Variants in GRK3 observed in about 807,000 individuals in gnomAD.
GRK3 encodes G protein-coupled receptor kinase 3.
Under a neutral mutation model 95.7 loss-of-function variants are expected in GRK3, and 54 were observed. The ratio of observed to expected loss-of-function variants is 0.56; its 90% confidence interval spans 0.45 to 0.71. GRK3 has a LOEUF of 0.71. Ranked by LOEUF, GRK3 falls within the 30% of genes least tolerant of loss-of-function variation. GRK3 has a pLI of 0.00. For missense variants in GRK3, 649 were observed against 851.2 expected (o/e 0.76, Z 2.96); for synonymous variants, 281 against 290.8 (o/e 0.97, Z 0.34).
intron 1 of GRK3, chr22:25,581,359 G>A (rs1016940633): frequency 6.6e-5 from 10 of 152,218 alleles, no homozygotes; most frequent in African/African-American, 2.2e-4. Context: ...CCAATGTCAT[G>A]TGTAATAGCA....
chr22:25,680,521 A>G (rs2146424702), intron 9 of GRK3, among the ~76,000 whole-genome samples: 1 of 152,340 alleles, frequency 6.6e-6, no homozygotes, highest in South Asian at 2.1e-4. Context: ...TTAATGTTGG[A>G]AAAACATAAG....
At chr22:25,636,044 T>C (rs1249520677) in intron 2 of GRK3, among the ~76,000 whole-genome samples, 1 of 152,198 alleles carries the variant, frequency 6.6e-6, no homozygotes, top group African/African-American at 2.4e-5. Flanking sequence ...CAGTTTTGGC[T>C]ACTAGGAGTG....
At chr22:25,658,977 A>G (rs1303062225) in intron 3 of GRK3, among the ~76,000 whole-genome samples, 1 of 152,142 alleles carries the variant, frequency 6.6e-6, no homozygotes, top group Admixed American at 6.6e-5. Context: ...TCAAATAGAT[A>G]GTTAGATATT....
Position 25,722,822 on chromosome 22 carries a change from T to TTC in GRK3, c.*374_*375dup. 6.0e-6 allele frequency: 1 copy of TTC among 166,756 alleles called. No homozygotes were observed. The highest frequency in any genetic ancestry group is 1.3e-5 in the Non-Finnish European group (1 of 77,286). The allele number at this position is 166,756 out of a possible 1,614,324, so 10.3% of individuals were successfully genotyped here. ...AGATTGCCCTAAGCATTGCCACATA[T>TTC]TCTGTCTAGTCACTGCTGATTTTCT... On this transcript the variant is annotated 3_prime_UTR_variant, in exon 21 of 21. Coordinates refer to ENST00000324198, the MANE Select transcript of GRK3 (RefSeq NM_005160.4).
chr22:25,671,905 A>G (rs1421678286), intron 6 of GRK3, among the ~76,000 whole-genome samples: 2 of 152,226 alleles, frequency 1.3e-5, no homozygotes, highest in African/African-American at 4.8e-5. Flanking sequence ...TCAGATTTCA[A>G]AGACTTAATA....
At chr22:25,612,109 A>G (rs950248581) in intron 2 of GRK3, among the ~76,000 whole-genome samples, 7 of 152,218 alleles carry the variant, frequency 4.6e-5, no homozygotes, top group Non-Finnish European at 7.3e-5. Context: ...CTAGGATTAC[A>G]GGTGTGAGCC....
At position 25,641,912 on chromosome 22, in the gene GRK3, CAA is replaced by C. The variant is rs1218061358; in HGVS notation, c.191-2677_191-2676del. 2.0e-5 allele frequency among the ~76,000 whole-genome samples: 3 copies of C among 152,218 alleles called. No homozygotes were observed. In the East Asian group the frequency reaches 5.8e-4, roughly 29 times the overall value. ...GTTTCAGTTTGATTCCAAGTGTAGT[CAA>C]AAGACAGTGGTCCATGTGTGGTATT... On this transcript the variant is annotated intron_variant, in intron 2 of 20. Transcript: ENST00000324198.
intron 1 of GRK3, among the ~76,000 whole-genome samples, chr22:25,584,495 A>G (rs532726050): frequency 2.4e-4 from 36 of 152,360 alleles, no homozygotes; most frequent in East Asian, 9.6e-4. Flanking sequence ...CAGTTCAGAT[A>G]TGCCAAAGGG....
At chr22:25,591,760 G>A (rs1353939199) in intron 1 of GRK3, among the ~76,000 whole-genome samples, 1 of 151,720 alleles carries the variant, frequency 6.6e-6, no homozygotes, top group Non-Finnish European at 1.5e-5. Flanking sequence ...TTTTTTGGGG[G>A]GTCTGGCTTC....
intron 1 of GRK3, among the ~76,000 whole-genome samples, chr22:25,591,545 A>G (rs904763691): frequency 6.6e-6 from 1 of 152,166 alleles, no homozygotes; most frequent in African/African-American, 2.4e-5. Context: ...CTAGAAGCCC[A>G]CCAAGAGTCA....
chr22:25,588,498 A>G (rs1932391110), intron 1 of GRK3, among the ~76,000 whole-genome samples: 1 of 152,224 alleles, frequency 6.6e-6, no homozygotes, highest in Admixed American at 6.5e-5. Flanking sequence ...ACTATTTAAG[A>G]TTCTTTTACA....
chr22:25,678,966 T>G, intron 9 of GRK3, 51 bp downstream of exon 9: 1 of 1,246,378 alleles, frequency 8.0e-7, no homozygotes, highest in Non-Finnish European at 1.1e-6. Context: ...GTTTGTTTCA[T>G]AGCAGGATGA....
intron 15 of GRK3, among the ~76,000 whole-genome samples, chr22:25,709,616 G>A (rs912072544): frequency 2.0e-5 from 3 of 151,932 alleles, no homozygotes; most frequent in African/African-American, 7.3e-5. Flanking sequence ...GTGTGTGTGC[G>A]TGTGTATATA....
intron 2 of GRK3, among the ~76,000 whole-genome samples, chr22:25,644,147 G>T (rs199769915): frequency 0.024 from 3,461 of 143,996 alleles, 94 homozygotes; most frequent in African/African-American, 0.071. Flanking sequence ...TTTTTTTTTT[G>T]TTTGTTTGTT....
chr22:25,647,199 C>T (rs1014447133), intron 3 of GRK3: 1 of 175,390 alleles, frequency 5.7e-6, no homozygotes, highest in Non-Finnish European at 1.2e-5. Flanking sequence ...ACCGCCCCCT[C>T]CCACCACCCG....
At chr22:25,697,177 G>A (rs963918810) in intron 13 of GRK3, among the ~76,000 whole-genome samples, 2 of 152,192 alleles carry the variant, frequency 1.3e-5, no homozygotes, top group Non-Finnish European at 2.9e-5. Context: ...TGTATTTAGG[G>A]CTTTGTGTAC....
chr22:25,694,492 A>G (rs1049405749), intron 12 of GRK3, among the ~76,000 whole-genome samples: 1 of 152,142 alleles, frequency 6.6e-6, no homozygotes, highest in Non-Finnish European at 1.5e-5. Context: ...TCATCTTCAC[A>G]TTTGCTTAGT....
At chr22:25,669,994 G>C (rs887056390) in intron 6 of GRK3, among the ~76,000 whole-genome samples, 4 of 152,148 alleles carry the variant, frequency 2.6e-5, no homozygotes, top group Non-Finnish European at 2.9e-5. Flanking sequence ...TTAAAAAATA[G>C]GTTGAAATAA....
At chr22:25,597,039 A>C (rs1343837766) in intron 1 of GRK3, among the ~76,000 whole-genome samples, 1 of 152,146 alleles carries the variant, frequency 6.6e-6, no homozygotes, top group Non-Finnish European at 1.5e-5. Flanking sequence ...TATGAATTAC[A>C]CATTACACAC....
Sources: gnomAD v4.1 joint callset for allele counts (sites outside exome capture counted in the v4.1 genomes callset) on GRCh38, gnomAD v4.1.1 for gene constraint, MANE v1.5 for transcripts, NCBI Gene and HGNC (gene_info 2026-07-23, HGNC 2026-07-21) for gene names.